Variants in ATL1 observed in about 807,000 individuals in gnomAD.
ATL1 encodes atlastin-1.
Under a neutral mutation model 75.5 loss-of-function variants are expected in ATL1, and 31 were observed. That is an observed-to-expected ratio of 0.41 (90% CI 0.31 to 0.55). The LOEUF is 0.55. Among genes scored for constraint, ATL1 ranks in the 20% least tolerant of loss-of-function variants. The pLI is 0.27. For missense variants in ATL1, 405 were observed against 662.6 expected (o/e 0.61, Z 4.27); for synonymous variants, 226 against 233.3 (o/e 0.97, Z 0.28).
upstream of ATL1, among the ~76,000 whole-genome samples, chr14:50,555,925 C>T (rs1220512272): frequency 6.6e-6 from 1 of 152,084 alleles, no homozygotes; most frequent in Non-Finnish European, 1.5e-5. Flanking sequence ...TATTGAGAAA[C>T]TTCTGATTGA....
At chr14:50,622,684 AAAAT>A (rs1038130334) in intron 10 of ATL1, among the ~76,000 whole-genome samples, 6 of 152,068 alleles carry the variant, frequency 3.9e-5, no homozygotes, top group African/African-American at 7.2e-5. Flanking sequence ...ATAAGAATAA[AAAAT>A]AAATAAATAA....
chr14:50,565,084 C>T (rs996381725), intron 1 of ATL1, among the ~76,000 whole-genome samples: 2 of 151,970 alleles, frequency 1.3e-5, no homozygotes, highest in East Asian at 1.9e-4. Context: ...GTCAGGAGTT[C>T]GAGACCAGCC....
At chr14:50,592,929 A>AAAAAAT (rs562590227) in intron 4 of ATL1, among the ~76,000 whole-genome samples, 31 of 113,872 alleles carry the variant, frequency 2.7e-4, no homozygotes, top group African/African-American at 6.7e-4. Context: ...AAAAAAAAAA[A>AAAAAAT]ATATATATAT....
intron 1 of ATL1, among the ~76,000 whole-genome samples, chr14:50,536,291 C>A (rs1411751453): frequency 6.6e-6 from 1 of 152,084 alleles, no homozygotes; most frequent in Non-Finnish European, 1.5e-5. Flanking sequence ...ACAAAATTAG[C>A]CAGGCATGGT....
chr14:50,622,643 G>A (rs558793003), intron 10 of ATL1, among the ~76,000 whole-genome samples: 310 of 151,944 alleles, frequency 2.0e-3, no homozygotes, highest in Non-Finnish European at 3.6e-3. Flanking sequence ...TCCAGCCTGG[G>A]CAACAGAGCA....
chr14:50,597,972 G>A (rs1457742928), intron 6 of ATL1, among the ~76,000 whole-genome samples: 1 of 152,170 alleles, frequency 6.6e-6, no homozygotes, highest in African/African-American at 2.4e-5. Flanking sequence ...TGGGATTACA[G>A]GCGTGAGCCA....
At chr14:50,576,133 A>G (rs1288921066) in intron 1 of ATL1, among the ~76,000 whole-genome samples, 2 of 152,204 alleles carry the variant, frequency 1.3e-5, no homozygotes, top group Non-Finnish European at 2.9e-5. Context: ...TACAGTATTC[A>G]ATAAATTACA....
intron 1 of ATL1, among the ~76,000 whole-genome samples, chr14:50,561,723 A>T (rs1390602957): frequency 6.6e-6 from 1 of 152,140 alleles, no homozygotes. Context: ...TTTAAGAGAA[A>T]GTGGTTCCAT....
chr14:50,593,251 T>C (rs988389533), intron 4 of ATL1, among the ~76,000 whole-genome samples: 2 of 152,058 alleles, frequency 1.3e-5, no homozygotes, highest in Non-Finnish European at 2.9e-5. Flanking sequence ...TGATGATCTG[T>C]TATTTAAATA....
At chr14:50,589,012 G>A (rs1047014112) in intron 2 of ATL1, among the ~76,000 whole-genome samples, 9 of 152,032 alleles carry the variant, frequency 5.9e-5, no homozygotes, top group Non-Finnish European at 1.2e-4. Flanking sequence ...GCACTATGGT[G>A]GATACCAAAG....
intron 13 of ATL1, chr14:50,631,152 G>C: frequency 4.6e-6 from 1 of 219,314 alleles, no homozygotes; most frequent in South Asian, 5.7e-5. Flanking sequence ...CCCAGCCACT[G>C]GGGAGGCTGA....
chr14:50,618,586 A>G (rs1339752098), intron 8 of ATL1, among the ~76,000 whole-genome samples: 1 of 152,182 alleles, frequency 6.6e-6, no homozygotes, highest in Admixed American at 6.5e-5. Context: ...AGAAGTAAAG[A>G]AAACAAATTC....
rs1398197718 is a variant in ATL1, at chr14:50,574,931, G to GTA, written c.35-12899_35-12898insAT. Among the ~76,000 whole-genome samples the GTA allele has an allele frequency of 7.8e-3, 610 of 78,340 alleles. 2 individuals carry two copies. Among genetic ancestry groups the GTA allele is most frequent in the African/African-American group, 9.7e-3 (175 of 17,984 alleles). The allele number at this position is 78,340 out of a possible 152,430, so 51.4% of individuals were successfully genotyped here. On this transcript the variant is annotated intron_variant, in intron 1 of 13. Coordinates refer to ENST00000358385, the MANE Select transcript of ATL1 (RefSeq NM_015915.5). The stretch of plus-strand genomic sequence containing the variant: ...TGAGTGTGTGTGTGTGTGTGTGTGT[G>GTA]TGTGTGTATATATATATATATATAT...
chr14:50,555,272 GTTTTGT>G (rs1198688157), upstream of ATL1, among the ~76,000 whole-genome samples: 7 of 20,666 alleles, frequency 3.4e-4, no homozygotes, highest in East Asian at 2.3e-3. Context: ...TTTTTGTTTT[GTTTTGT>G]TTTGTTTGTT....
In ATL1 at chr14:50,628,394, C is replaced by T. The variant is rs864622269; in HGVS notation, c.1483C>T (p.Arg495Trp). The change falls in exon 12 of 14, where the codon CGG becomes TGG. Residue 495 changes from arginine (R) to tryptophan (W), a missense_variant. Around this residue, in one of 5 missense-constraint regions of ATL1, gnomAD observed 163 missense variants for 244.1 expected, o/e 0.67. Coordinates refer to ENST00000358385, the MANE Select transcript of ATL1 (RefSeq NM_015915.5). ...LITLCTWAYI[R>W]YSGEYRELGA... Reference sequence around the variant, plus strand: ...CACCCTGTGCACTTGGGCATATATCCGGTACTCTGGAGAATACCGAGAGCT... The same window carrying T: ...CACCCTGTGCACTTGGGCATATATCTGGTACTCTGGAGAATACCGAGAGCT... 1.2e-6 allele frequency: 2 copies of T among 1,613,976 alleles called. No homozygotes were observed. The highest frequency in any genetic ancestry group is 1.7e-5 in the Admixed American group (1 of 59,996).
At chr14:50,544,463 TG>T (rs1436008948) in intron 1 of ATL1, among the ~76,000 whole-genome samples, 1 of 152,216 alleles carries the variant, frequency 6.6e-6, no homozygotes, top group African/African-American at 2.4e-5. Flanking sequence ...TGGACAATTC[TG>T]GACAATGACA....
At position 50,593,763 on chromosome 14, in the gene ATL1, A is replaced by G. The variant is rs926404037; in HGVS notation, c.523-83A>G. On this transcript the variant is annotated intron_variant, in intron 4 of 13. Transcript: ENST00000358385. ...GAGAGTCCATTTTGTGGTAACTGAT[A>G]TTTTTAAAAGTAGGGAATGATGAAG... is the stretch of plus-strand genomic sequence containing the variant. The G allele has an allele frequency of 8.8e-6, 8 of 908,574 alleles. No homozygotes were observed. In the African/African-American group the frequency reaches 1.1e-4, roughly 13 times the overall value. The allele number at this position is 908,574 out of a possible 1,614,324, so 56.3% of individuals were successfully genotyped here. A position where few individuals can be genotyped will look rare whatever the true frequency, so the allele number is the denominator to read the frequency against.
At chr14:50,628,576 A>G in intron 12 of ATL1, 114 bp downstream of exon 12, 2 of 1,112,338 alleles carry the variant, frequency 1.8e-6, no homozygotes, top group Non-Finnish European at 2.7e-6. Flanking sequence ...GGCCCCAGTC[A>G]TCAAGAATGT....
At chr14:50,595,507 A>G in intron 5 of ATL1, 69 bp from the exon 6 acceptor site, 1 of 1,430,260 alleles carries the variant, frequency 7.0e-7, no homozygotes, top group Non-Finnish European at 9.8e-7. Flanking sequence ...AAAACTTTGC[A>G]GGTGCTAAAG....
Sources: gnomAD v4.1 joint callset for allele counts (sites outside exome capture counted in the v4.1 genomes callset) on GRCh38, gnomAD v4.1.1 for gene constraint, gnomAD v4.1.1 regional missense constraint, MANE v1.5 for transcripts, NCBI Gene and HGNC (gene_info 2026-07-23, HGNC 2026-07-21) for gene names.